Variants in KIAA0825 observed in about 807,000 individuals in gnomAD.
The protein encoded by KIAA0825 is KIAA0825.
Under a neutral mutation model 147.6 loss-of-function variants are expected in KIAA0825, and 119 were observed. The ratio of observed to expected loss-of-function variants is 0.81; its 90% CI spans 0.69 to 0.94. The LOEUF is 0.94. KIAA0825 is among the 40% of genes least tolerant of loss of function. The pLI is 0.00. For synonymous variants in KIAA0825, 470 were observed against 518.1 expected, an observed-to-expected ratio of 0.91 and a Z score of 1.26; for missense variants, 1,381 against 1,472.7, an observed-to-expected ratio of 0.94 and a Z score of 1.02.
At chr5:94,377,189 C>T (rs1207996791) in intron 20 of KIAA0825, among the ~76,000 whole-genome samples, 3 of 152,174 alleles carry the variant, frequency 2.0e-5, no homozygotes, top group African/African-American at 7.2e-5. Context: ...TGGACAGGCC[C>T]CAAAGTGACA....
intron 7 of KIAA0825, 83 bp downstream of exon 7, chr5:94,477,028 A>G: frequency 9.9e-7 from 1 of 1,007,360 alleles, no homozygotes; most frequent in Non-Finnish European, 1.5e-6. Context: ...GTAAAACTCA[A>G]GACATCTTGA....
chr5:94,600,302 A>T (rs1786145685), intron 1 of KIAA0825, among the ~76,000 whole-genome samples: 1 of 152,118 alleles, frequency 6.6e-6, no homozygotes, highest in Non-Finnish European at 1.5e-5. Context: ...TCCCTGTCCC[A>T]TCAGTGGGGA....
At chr5:94,471,377 A>G (rs1359815183) in intron 9 of KIAA0825, 89 bp downstream of exon 9, 1 of 1,338,624 alleles carries the variant, frequency 7.5e-7, no homozygotes, top group Non-Finnish European at 1.0e-6. Context: ...TCTTTCTCAA[A>G]TCTTATTACC....
At chr5:94,174,011 C>T (rs1266903537) in intron 20 of KIAA0825, among the ~76,000 whole-genome samples, 1 of 152,184 alleles carries the variant, frequency 6.6e-6, no homozygotes, top group Non-Finnish European at 1.5e-5. Flanking sequence ...ATGTGGAATA[C>T]ATCACGTATC....
intron 15 of KIAA0825, chr5:94,413,479 A>G (rs1022842875): frequency 6.6e-6 from 1 of 152,264 alleles, no homozygotes; most frequent in Non-Finnish European, 1.5e-5. Flanking sequence ...AACTAATGAT[A>G]AAGCATAATA....
chr5:94,263,743 C>T (rs779637221), intron 20 of KIAA0825, among the ~76,000 whole-genome samples: 1 of 151,952 alleles, frequency 6.6e-6, no homozygotes, highest in Non-Finnish European at 1.5e-5. Flanking sequence ...CTTTTTATGC[C>T]TGTTGCCCTG....
intron 1 of KIAA0825, among the ~76,000 whole-genome samples, chr5:94,606,306 A>G (rs1278470199): frequency 1.3e-5 from 2 of 152,238 alleles, no homozygotes; most frequent in Non-Finnish European, 2.9e-5. Context: ...GAAAGAATCA[A>G]TATCATTAAA....
chr5:94,245,859 A>G (rs1466193712), intron 20 of KIAA0825, among the ~76,000 whole-genome samples: 1 of 152,112 alleles, frequency 6.6e-6, no homozygotes, highest in Non-Finnish European at 1.5e-5. Flanking sequence ...AGGAGGCAGG[A>G]GATACTTTAC....
At chr5:94,490,435 G>C (rs1165484132) in intron 5 of KIAA0825, among the ~76,000 whole-genome samples, 1 of 151,940 alleles carries the variant, frequency 6.6e-6, no homozygotes, top group Non-Finnish European at 1.5e-5. Context: ...TATTCTGTTT[G>C]ACAAAATAAA....
intron 20 of KIAA0825, among the ~76,000 whole-genome samples, chr5:94,280,457 A>C (rs1777408162): frequency 1.3e-5 from 2 of 152,094 alleles, no homozygotes; most frequent in Admixed American, 1.3e-4. Context: ...TGACACACTC[A>C]TCTTTTGCAT....
At chr5:94,380,075 G>A (rs1428154629) in intron 20 of KIAA0825, among the ~76,000 whole-genome samples, 2 of 151,670 alleles carry the variant, frequency 1.3e-5, no homozygotes, top group South Asian at 2.1e-4. Context: ...GGATGGTCTC[G>A]ATCTCCTGAC....
At chr5:94,528,453 T>C (rs992233077) in intron 3 of KIAA0825, among the ~76,000 whole-genome samples, 4 of 152,156 alleles carry the variant, frequency 2.6e-5, no homozygotes, top group Non-Finnish European at 4.4e-5. Flanking sequence ...TCACACCTAG[T>C]GTAGGCCTGT....
intron 20 of KIAA0825, among the ~76,000 whole-genome samples, chr5:94,286,110 G>A (rs1777655885): frequency 6.6e-6 from 1 of 152,066 alleles, no homozygotes; most frequent in Non-Finnish European, 1.5e-5. Context: ...TGTTGTTTAG[G>A]ACAAGGGTAG....
intron 2 of KIAA0825, chr5:94,569,321 C>T (rs1049711688): frequency 2.9e-6 from 1 of 345,064 alleles, no homozygotes; most frequent in East Asian, 4.5e-5. Context: ...ACCTATACAA[C>T]CTCCCCCATA....
intron 7 of KIAA0825, among the ~76,000 whole-genome samples, chr5:94,476,347 C>G (rs1761893295): frequency 6.6e-6 from 1 of 152,108 alleles, no homozygotes; most frequent in African/African-American, 2.4e-5. Flanking sequence ...GAGGCCGCAA[C>G]CACCCCTAGG....
At chr5:94,243,103 C>A (rs1775435967) in intron 20 of KIAA0825, among the ~76,000 whole-genome samples, 1 of 152,156 alleles carries the variant, frequency 6.6e-6, no homozygotes, top group Admixed American at 6.5e-5. Flanking sequence ...CCTCTAAGAC[C>A]TGAGATATTA....
chr5:94,239,772 A>G (rs1775255310), intron 20 of KIAA0825, among the ~76,000 whole-genome samples: 1 of 152,328 alleles, frequency 6.6e-6, no homozygotes, highest in South Asian at 2.1e-4. Flanking sequence ...GTAACTCTTT[A>G]AACTGCCCTT....
intron 20 of KIAA0825, among the ~76,000 whole-genome samples, chr5:94,254,958 A>G (rs1458687863): frequency 6.6e-6 from 1 of 152,064 alleles, no homozygotes. Context: ...TTTAAGCAAC[A>G]TAAATGTATG....
At chr5:94,234,798 C>T (rs1036096021) in intron 20 of KIAA0825, among the ~76,000 whole-genome samples, 2 of 152,174 alleles carry the variant, frequency 1.3e-5, no homozygotes, top group African/African-American at 4.8e-5. Context: ...ACACCTCCCA[C>T]CAGCCTCACC....
Sources: allele counts gnomAD v4.1 joint callset (sites outside exome capture counted in the v4.1 genomes callset), GRCh38; gene constraint gnomAD v4.1.1; transcripts MANE v1.5; gene names NCBI Gene and HGNC (gene_info 2026-07-23, HGNC 2026-07-21).